Variants in ADSS2 observed in about 807,000 individuals in gnomAD.
ADSS2 encodes adenylosuccinate synthase 2, also known as adenylosuccinate synthetase isozyme 2.
A neutral mutation model predicts 60.0 loss-of-function variants in ADSS2; 30 were observed. The ratio of observed to expected loss-of-function variants is 0.50; its 90% CI spans 0.37 to 0.68. The LOEUF is 0.68. ADSS2 is among the 30% of genes least tolerant of loss of function. The pLI is 0.00. For missense variants in ADSS2, 373 were observed against 554.8 expected (o/e 0.67, Z 3.29); for synonymous variants, 187 against 193.1 (o/e 0.97, Z 0.26).
chr1:244,435,921 A>G (rs888127509), intron 3 of ADSS2, among the ~76,000 whole-genome samples: 1 of 152,216 alleles, frequency 6.6e-6, no homozygotes, highest in East Asian at 1.9e-4. Flanking sequence ...CCTGTATTCT[A>G]TATTTCATTT....
At chr1:244,418,683 G>A (rs1367233285) in intron 9 of ADSS2, 77 bp downstream of exon 9, 2 of 1,391,256 alleles carry the variant, frequency 1.4e-6, no homozygotes, top group African/African-American at 3.0e-5. Context: ...AAAGGCACAG[G>A]AGACAATAAT....
intron 2 of ADSS2, 26 bp from the exon 3 acceptor site, chr1:244,436,919 C>A (rs775461182): frequency 1.9e-6 from 3 of 1,582,724 alleles, no homozygotes; most frequent in South Asian, 2.2e-5. Context: ...CAAATCCCAA[C>A]GGTAAACATC....
chr1:244,410,618 C>T (rs146898476), intron 12 of ADSS2, among the ~76,000 whole-genome samples: 125 of 152,000 alleles, frequency 8.2e-4, no homozygotes, highest in African/African-American at 2.7e-3. Flanking sequence ...AAACCATAAA[C>T]CATTTTTAAC....
In ADSS2 at chr1:244,411,368, A is replaced by G; in HGVS notation, c.1237T>C (p.Ser413Pro). ...KTLPGWNTDI[S>P]NARAFKELPV... ...AGTTCTTTAAACGCCCTTGCATTTG[A>G]TATGTCTGTGTTCCATCCTGGGAGA... The change falls in exon 12 of 13, where the codon TCA becomes CCA. Residue 413 changes from serine to proline, a missense_variant. Ser to Pro is a moderately conservative substitution (Grantham distance 74). Around this residue, in one of 5 missense-constraint regions of ADSS2, gnomAD observed 130 missense variants for 169.4 expected, o/e 0.77. Coordinates refer to ENST00000366535, the MANE Select transcript of ADSS2 (RefSeq NM_001126.5). 3 of 1,613,920 alleles carry G rather than the reference A, an allele frequency of 1.9e-6. No individual in the cohort carries two copies. Among genetic ancestry groups the G allele is most frequent in the Non-Finnish European group, 2.5e-6 (3 of 1,179,862 alleles).
In ADSS2 at chr1:244,417,747, AATTTCCTACAG is replaced by A. The variant is rs1269496957; in HGVS notation, c.946-6_950del. The A allele has an allele frequency of 6.2e-7, 1 of 1,613,214 alleles. No homozygotes were observed. The highest frequency in any genetic ancestry group is 1.1e-5 in the South Asian group (1 of 91,036). On this transcript the variant is annotated splice_acceptor_variant and splice_polypyrimidine_tract_variant and coding_sequence_variant and intron_variant, in exon 10 of 13. Transcript: ENST00000366535. LOFTEE classifies it high-confidence loss of function. ...TACCCCTTGTTTGTAATAATTCTCCAATTTCCTACAGAACAGAAAATTGAACTTTAGGATTA... is the reference window on the plus strand; with the variant it reads ...TACCCCTTGTTTGTAATAATTCTCCAAACAGAAAATTGAACTTTAGGATTA...
chr1:244,441,098 T>G (rs1172637292), intron 1 of ADSS2, among the ~76,000 whole-genome samples: 1 of 150,730 alleles, frequency 6.6e-6, no homozygotes, highest in Admixed American at 6.6e-5. Context: ...TTGCTCTGTC[T>G]CCCAGGCTGG....
intron 1 of ADSS2, among the ~76,000 whole-genome samples, chr1:244,438,887 TTTCA>T (rs763161885): frequency 2.6e-5 from 4 of 152,240 alleles, no homozygotes; most frequent in African/African-American, 4.8e-5. Flanking sequence ...GCATTTATCC[TTTCA>T]TTGTGTTACA....
At chr1:244,415,872 C>T (rs1353510518) in intron 11 of ADSS2, 109 bp downstream of exon 11, 22 of 739,668 alleles carry the variant, frequency 3.0e-5, no homozygotes, top group Non-Finnish European at 3.7e-5. Flanking sequence ...TCATAAAGGG[C>T]ATATCAAACC....
At chr1:244,443,576 ATGCTTTTC>A (rs1665302393) in intron 1 of ADSS2, among the ~76,000 whole-genome samples, 1 of 152,204 alleles carries the variant, frequency 6.6e-6, no homozygotes, top group South Asian at 2.1e-4. Context: ...AGTTGGTAAA[ATGCTTTTC>A]TGAACGTACA....
Position 244,423,964 on chromosome 1 carries a change from G to A in ADSS2, c.570C>T (p.Gly190=). 2 of 1,609,894 alleles carry A rather than the reference G, an allele frequency of 1.2e-6. No homozygotes were observed. The highest frequency in any genetic ancestry group is 8.5e-7 in the Non-Finnish European group (1 of 1,178,620). Residue 190 remains glycine (G), a synonymous_variant, in exon 6 of 13, where the codon GGC becomes GGT. Transcript: ENST00000366535. The part of the protein sequence containing the change: ...RMCDLVSDFD[G]FSERFKVLAN... Reference sequence around the variant, plus strand: ...CACAAGTTAGTTACCTCTCAGAGAAGCCATCAAAGTCAGAAACAAGGTCGC... The same window carrying A: ...CACAAGTTAGTTACCTCTCAGAGAAACCATCAAAGTCAGAAACAAGGTCGC...
chr1:244,441,414 C>G (rs770453395), intron 1 of ADSS2, among the ~76,000 whole-genome samples: 4 of 152,138 alleles, frequency 2.6e-5, no homozygotes, highest in Non-Finnish European at 5.9e-5. Context: ...TTCAGTTCCT[C>G]TTGTTAAAAA....
chr1:244,422,180 A>G (rs1664690026), intron 7 of ADSS2, among the ~76,000 whole-genome samples: 1 of 152,132 alleles, frequency 6.6e-6, no homozygotes, highest in Non-Finnish European at 1.5e-5. Context: ...GTAGATTCCT[A>G]CTTAGTTCTG....
At chr1:244,444,979 G>C (rs542903836) in intron 1 of ADSS2, among the ~76,000 whole-genome samples, 1 of 152,102 alleles carries the variant, frequency 6.6e-6, no homozygotes, top group South Asian at 2.1e-4. Context: ...CATCCCCCCA[G>C]CCACAGCAAA....
chr1:244,417,191 C>G (rs985100337), intron 10 of ADSS2, among the ~76,000 whole-genome samples: 2 of 152,150 alleles, frequency 1.3e-5, no homozygotes, highest in African/African-American at 4.8e-5. Context: ...GAGGATAAAA[C>G]AGAGGCAGAG....
chr1:244,442,318 G>T (rs1043458427), intron 1 of ADSS2, among the ~76,000 whole-genome samples: 2 of 151,906 alleles, frequency 1.3e-5, no homozygotes, highest in African/African-American at 4.8e-5. Context: ...GGGAAAAATT[G>T]GCTTAACTCC....
chr1:244,448,536 A>T (rs891994591), intron 1 of ADSS2, among the ~76,000 whole-genome samples: 1 of 152,212 alleles, frequency 6.6e-6, no homozygotes, highest in African/African-American at 2.4e-5. Context: ...AGGCAACTTC[A>T]TGTGTGTCAT....
At chr1:244,438,289 T>G (rs1016048388) in intron 1 of ADSS2, among the ~76,000 whole-genome samples, 1 of 152,206 alleles carries the variant, frequency 6.6e-6, no homozygotes, top group Non-Finnish European at 1.5e-5. Flanking sequence ...CCCCAAATAC[T>G]GGTTATCCTT....
intron 1 of ADSS2, among the ~76,000 whole-genome samples, chr1:244,446,791 T>G (rs1665403034): frequency 1.3e-5 from 2 of 152,194 alleles, no homozygotes; most frequent in Admixed American, 1.3e-4. Context: ...GTCACACAGC[T>G]CTTTGTAAAT....
chr1:244,433,542 C>T (rs1558276265), intron 3 of ADSS2, among the ~76,000 whole-genome samples: 1 of 152,132 alleles, frequency 6.6e-6, no homozygotes, highest in Non-Finnish European at 1.5e-5. Flanking sequence ...TTAGGAATGG[C>T]ATCCTTTCCC....
Sources: allele counts gnomAD v4.1 joint callset (sites outside exome capture counted in the v4.1 genomes callset), GRCh38; gene constraint gnomAD v4.1.1; regional missense constraint gnomAD v4.1.1; transcripts MANE v1.5; gene names NCBI Gene and HGNC (gene_info 2026-07-23, HGNC 2026-07-21).